Variants in NDRG1 observed in about 807,000 individuals in gnomAD.
NDRG1 encodes N-myc downstream regulated 1.
NDRG1 carries 32 observed loss-of-function variants against 56.9 expected under a neutral mutation model. That is an observed-to-expected ratio of 0.56 (90% confidence interval 0.42 to 0.76). NDRG1 has a LOEUF of 0.76. NDRG1 is among the 30% of genes least tolerant of loss of function. The pLI, the probability that NDRG1 is intolerant of heterozygous loss-of-function variation, is 0.00. For missense variants in NDRG1, 507 were observed against 545.7 expected (o/e 0.93, Z 0.71); for synonymous variants, 211 against 204.1 (o/e 1.03, Z -0.29).
intron 3 of NDRG1, among the ~76,000 whole-genome samples, chr8:133,275,201 A>G (rs1857391934): frequency 6.6e-6 from 1 of 152,200 alleles, no homozygotes; most frequent in South Asian, 2.1e-4. Flanking sequence ...GATTTTGGAG[A>G]CTGCTGAAAA....
intron 3 of NDRG1, among the ~76,000 whole-genome samples, chr8:133,266,757 C>T (rs1197825020): frequency 4.6e-5 from 7 of 152,194 alleles, no homozygotes; most frequent in Non-Finnish European, 7.3e-5. Context: ...TTTGTCCCCG[C>T]AGGGACGAGT....
At position 133,238,760 on chromosome 8, in the gene NDRG1, T is replaced by TA. The variant is rs1369824318; in HGVS notation, c.*117dup. 1 of 1,233,118 alleles carries TA rather than the reference T, an allele frequency of 8.1e-7. No individual in the cohort carries two copies. Among genetic ancestry groups the TA allele is most frequent in the Non-Finnish European group, 1.1e-6 (1 of 907,694 alleles). 76.4% of individuals were successfully genotyped at this position (1,233,118 alleles called of 1,614,324 possible). ...TCCACCAGAGCTCACTCTTACAAAA[T>TA]AAGCTTTGGATTAATACCGAGTTAG... On this transcript the variant is annotated 3_prime_UTR_variant, in exon 16 of 16. Transcript: ENST00000323851.
chr8:133,251,359 C>T (rs1325368045), intron 9 of NDRG1, among the ~76,000 whole-genome samples: 1 of 152,192 alleles, frequency 6.6e-6, no homozygotes. Context: ...CTGCATCAAA[C>T]AGTCCAGGAT....
At chr8:133,258,451 G>T in intron 6 of NDRG1, 25 bp from the exon 7 acceptor site, 2 of 1,599,878 alleles carry the variant, frequency 1.3e-6, no homozygotes, top group South Asian at 1.1e-5. Context: ...ACAAATGCAT[G>T]TCACACAAGG....
intron 15 of NDRG1, chr8:133,241,616 G>A (rs1855385939): frequency 3.2e-6 from 1 of 311,986 alleles, no homozygotes; most frequent in South Asian, 3.1e-5. Flanking sequence ...GGTTCAGTGA[G>A]ATAAAATAAT....
chr8:133,259,159 C>T lies in NDRG1; in HGVS notation c.389+9G>A, dbSNP rs762349755. The T allele has an allele frequency of 7.4e-6, 12 of 1,613,712 alleles. No individual in the cohort carries two copies. The highest frequency in any genetic ancestry group is 3.3e-5 in the South Asian group (3 of 91,076). ...GCAGACAGAGAAGGAGCTGATCCTT[C>T]GCTCTTACCCAAACTGTTGAAGGAC... On this transcript the variant is annotated intron_variant, in intron 6 of 15. Transcript: ENST00000323851.
In NDRG1 at chr8:133,242,179, C is replaced by G. The variant is rs1402732209; in HGVS notation, c.892-105G>C. On this transcript the variant is annotated intron_variant, in intron 14 of 15. Transcript: ENST00000323851. Reference sequence around the variant, plus strand: ...GTCACCTTCATTTGAGAGTTTGGCTCAAGACAAAAGCCATCACGTGTTGAC... The same window carrying G: ...GTCACCTTCATTTGAGAGTTTGGCTGAAGACAAAAGCCATCACGTGTTGAC... 2.5e-6 allele frequency: 3 copies of G among 1,198,732 alleles called. No homozygotes were observed. In the Admixed American group the frequency reaches 5.3e-5, roughly 21 times the overall value. 74.3% of individuals were successfully genotyped at this position (1,198,732 alleles called of 1,614,324 possible).
At chr8:133,267,377 G>T (rs988552914) in intron 3 of NDRG1, among the ~76,000 whole-genome samples, 7 of 152,118 alleles carry the variant, frequency 4.6e-5, no homozygotes, top group South Asian at 2.1e-4. Flanking sequence ...CAGCCCCCTG[G>T]GAGCACCCGG....
intron 8 of NDRG1, 93 bp downstream of exon 8, chr8:133,256,684 G>A (rs976233101): frequency 1.3e-5 from 16 of 1,214,078 alleles, no homozygotes; most frequent in Non-Finnish European, 1.8e-5. Context: ...TAAAGAGAGA[G>A]CTCGTAGCTC....
intron 2 of NDRG1, among the ~76,000 whole-genome samples, chr8:133,281,212 C>A (rs1165945159): frequency 6.6e-6 from 1 of 152,048 alleles, no homozygotes; most frequent in Non-Finnish European, 1.5e-5. Context: ...ACAAAATTAG[C>A]CAGGCATGAT....
chr8:133,240,325 G>A (rs1275123549), intron 15 of NDRG1: 1 of 152,234 alleles, frequency 6.6e-6, no homozygotes, highest in African/African-American at 2.4e-5. Context: ...CAAGCATGCA[G>A]GGCTTATGTT....
At chr8:133,262,967 C>T (rs113310340) in intron 4 of NDRG1, among the ~76,000 whole-genome samples, 2,243 of 152,248 alleles carry the variant, frequency 0.015, 47 homozygotes, top group African/African-American at 0.05. Flanking sequence ...AGAACATGTC[C>T]CACTAAACAC....
At chr8:133,239,261 C>A in intron 15 of NDRG1, 142 bp from the exon 16 acceptor site, 1 of 1,320,388 alleles carries the variant, frequency 7.6e-7, no homozygotes, top group South Asian at 1.3e-5. Context: ...CTGCTGGGCC[C>A]CCGTCCTCTC....
rs1024274726 is a variant in NDRG1 at position 133,284,236 on chromosome 8, G to C, written c.63+13C>G. ...GTGCCTGTGATGGGGTAGCCAGGAA[G>C]ATCTCCACTCACCTCCCCTTTCTCC... On this transcript the variant is annotated intron_variant, in intron 2 of 15. Coordinates refer to ENST00000323851, the MANE Select transcript of NDRG1 (RefSeq NM_006096.4). The C allele has an allele frequency of 6.2e-6, 10 of 1,613,764 alleles. No individual in the cohort carries two copies. Among genetic ancestry groups the C allele is most frequent in the Admixed American group, 1.7e-5 (1 of 60,022 alleles).
intron 2 of NDRG1, among the ~76,000 whole-genome samples, chr8:133,281,432 C>A (rs564432406): frequency 2.0e-5 from 3 of 152,118 alleles, no homozygotes; most frequent in Admixed American, 1.3e-4. Context: ...CAGGACAGGC[C>A]CAGGAAGACA....
chr8:133,294,553 C>T (rs1033480467), intron 1 of NDRG1, among the ~76,000 whole-genome samples: 2 of 152,162 alleles, frequency 1.3e-5, no homozygotes, highest in African/African-American at 4.8e-5. Context: ...CAGCTTTGGG[C>T]CACCCGAAAA....
rs766949402 is a variant in NDRG1 at position 133,238,949 on chromosome 8, G to A, written c.1114C>T (p.Leu372=). Residue 372 remains leucine (L), a synonymous_variant, in exon 16 of 16, where the codon CTG becomes TTG. Transcript: ENST00000323851. ...SRSHTSEGAH[L]DITPNSGAAG... ...GCACCCGAGTTGGGGGTGATGTCCA[G>A]GTGGGCCCCCTCGCTGGTGTGCGAG... 47 of 1,576,042 alleles carry A rather than the reference G, an allele frequency of 3.0e-5. No individual in the cohort carries two copies. Among genetic ancestry groups the A allele is most frequent in the Non-Finnish European group, 3.9e-5 (45 of 1,162,018 alleles).
Position 133,273,458 on chromosome 8 carries a change from C to T in NDRG1, c.99+6774G>A, listed in dbSNP as rs564117532. Among the ~76,000 whole-genome samples the T allele has an allele frequency of 1.2e-4, 18 of 152,230 alleles. No homozygotes were observed. In the South Asian group the frequency reaches 2.9e-3, roughly 25 times the overall value. On this transcript the variant is annotated intron_variant, in intron 3 of 15. Transcript: ENST00000323851. ...AAATCCCTCCAGATTTTCTGGGCCTCGTATCTTCAACATAAAACAAGGATG... is the reference window on the plus strand; with the variant it reads ...AAATCCCTCCAGATTTTCTGGGCCTTGTATCTTCAACATAAAACAAGGATG...
chr8:133,264,687 T>G (rs376786966), intron 3 of NDRG1, 35 bp from the exon 4 acceptor site: 1 of 1,563,810 alleles, frequency 6.4e-7, no homozygotes. Context: ...GCTGGTCATG[T>G]GGGGTTCATG....
Sources: allele counts gnomAD v4.1 joint callset (sites outside exome capture counted in the v4.1 genomes callset), GRCh38; gene constraint gnomAD v4.1.1; transcripts MANE v1.5; gene names NCBI Gene and HGNC (gene_info 2026-07-23, HGNC 2026-07-21).